Variants in TDRP observed in about 807,000 individuals in gnomAD.
The protein encoded by TDRP is testis development related protein, also known as testis development-related protein.
Under a neutral mutation model 10.5 loss-of-function variants are expected in TDRP, and 12 were observed. That is an observed-to-expected ratio of 1.15 (90% CI 0.73 to 1.86). The LOEUF (loss-of-function observed/expected upper bound fraction) is 1.86, where lower values mean the gene tolerates loss of function less well. TDRP is among the 40% of genes most tolerant of loss of function. TDRP has a pLI of 0.00. For synonymous variants in TDRP, 139 were observed against 95.4 expected, an observed-to-expected ratio of 1.46 and a Z score of -2.67; for missense variants, 353 against 229.2, an observed-to-expected ratio of 1.54 and a Z score of -3.49.
At chr8:532,223 G>T (rs1802221891) in intron 1 of TDRP, among the ~76,000 whole-genome samples, 1 of 152,198 alleles carries the variant, frequency 6.6e-6, no homozygotes. Flanking sequence ...TGCCTGTGTT[G>T]CATCTGCTCA....
chr8:537,187 TCCTGGGCTGGCTCCCTG>T (rs1295388096), intron 1 of TDRP, among the ~76,000 whole-genome samples: 2 of 152,198 alleles, frequency 1.3e-5, no homozygotes, highest in African/African-American at 4.8e-5. Context: ...CTGGCTCCCT[TCCTGGGCTGGCTCCCTG>T]CCTGGTCTTG....
chr8:523,955 A>G (rs1199592482), intron 1 of TDRP, among the ~76,000 whole-genome samples: 1 of 152,124 alleles, frequency 6.6e-6, no homozygotes, highest in Non-Finnish European at 1.5e-5. Context: ...TAGCGAACAA[A>G]AGTGGTAGCC....
chr8:528,635 G>A (rs1349100835), intron 1 of TDRP, among the ~76,000 whole-genome samples: 1 of 130,880 alleles, frequency 7.6e-6, no homozygotes, highest in African/African-American at 2.6e-5. Flanking sequence ...GAGTATAATT[G>A]GATTGTTTGT....
intron 1 of TDRP, among the ~76,000 whole-genome samples, chr8:518,861 G>A (rs1801824118): frequency 6.6e-6 from 1 of 152,018 alleles, no homozygotes; most frequent in South Asian, 2.1e-4. Context: ...CTGGAGTATG[G>A]TATAAAAAAC....
intron 1 of TDRP, among the ~76,000 whole-genome samples, chr8:522,414 T>G (rs143593765): frequency 0.017 from 2,558 of 152,334 alleles, 71 homozygotes; most frequent in African/African-American, 0.058. Context: ...TTTCTCTCTG[T>G]GGCTAGTGAG....
At chr8:512,058 T>C (rs775226962) in intron 1 of TDRP, among the ~76,000 whole-genome samples, 1 of 151,604 alleles carries the variant, frequency 6.6e-6, no homozygotes, top group African/African-American at 2.4e-5. Flanking sequence ...TCACAAAGAT[T>C]AAAGCACAAA....
chr8:507,101 G>T (rs1013464049), intron 1 of TDRP, among the ~76,000 whole-genome samples: 13 of 152,168 alleles, frequency 8.5e-5, no homozygotes, highest in Admixed American at 1.3e-4. Context: ...CAAGGCAGCA[G>T]GAGGGAGTAT....
intron 1 of TDRP, among the ~76,000 whole-genome samples, chr8:503,068 T>G (rs1463606062): frequency 6.6e-6 from 1 of 150,670 alleles, no homozygotes; most frequent in Non-Finnish European, 1.5e-5. Context: ...TCAGAACCTG[T>G]GCCCACCTCA....
chr8:512,308 C>T lies in TDRP; in HGVS notation c.109-17711G>A, dbSNP rs551086184. ...AATGACTGGGCATGGTGGCACACAC[C>T]TGTAGTGCCAGCTCCTTGGGAGGCT... On this transcript the variant is annotated intron_variant, in intron 1 of 2. Transcript: ENST00000324079. Among the ~76,000 whole-genome samples the T allele has an allele frequency of 3.2e-4, 49 of 152,122 alleles. 1 individual carries two copies. Among genetic ancestry groups the T allele is most frequent in the Non-Finnish European group, 6.8e-4 (46 of 67,996 alleles).
intron 1 of TDRP, among the ~76,000 whole-genome samples, chr8:513,097 C>A (rs1233936809): frequency 7.5e-6 from 1 of 132,480 alleles, no homozygotes; most frequent in Non-Finnish European, 1.6e-5. Context: ...AATACCAATT[C>A]TTCACACTAT....
At chr8:522,026 T>C (rs938759354) in intron 1 of TDRP, among the ~76,000 whole-genome samples, 15 of 152,238 alleles carry the variant, frequency 9.9e-5, no homozygotes, top group African/African-American at 3.4e-4. Flanking sequence ...TCATTATTAG[T>C]GTAAAAATGT....
chr8:528,516 CCATCAA>C (rs1434169213), intron 1 of TDRP, among the ~76,000 whole-genome samples: 1 of 149,784 alleles, frequency 6.7e-6, no homozygotes, highest in Non-Finnish European at 1.5e-5. Flanking sequence ...ACCTAAGTAT[CCATCAA>C]CATCAACATA....
chr8:544,253 G>C (rs563311070), intron 1 of TDRP, among the ~76,000 whole-genome samples: 1 of 152,200 alleles, frequency 6.6e-6, no homozygotes, highest in East Asian at 2.0e-4. Flanking sequence ...CGAGCACCCG[G>C]CGTGGACCTC....
chr8:512,880 G>C (rs976913253), intron 1 of TDRP, among the ~76,000 whole-genome samples: 1 of 151,884 alleles, frequency 6.6e-6, no homozygotes, highest in East Asian at 1.9e-4. Context: ...GCTGAGGTGG[G>C]AGAATCACTT....
chr8:519,727 A>G (rs1801849330), intron 1 of TDRP, among the ~76,000 whole-genome samples: 1 of 152,148 alleles, frequency 6.6e-6, no homozygotes, highest in Non-Finnish European at 1.5e-5. Context: ...CTACTCTTCA[A>G]TTTGTGGAGG....
At chr8:492,929 G>A (rs1585131070) in intron 2 of TDRP, among the ~76,000 whole-genome samples, 185 bp from the exon 3 acceptor site, 1 of 152,266 alleles carries the variant, frequency 6.6e-6, no homozygotes, top group East Asian at 1.9e-4. Flanking sequence ...TGTTAATGAA[G>A]TGTGTAAAAG....
intron 1 of TDRP, among the ~76,000 whole-genome samples, chr8:543,822 A>C (rs986536692): frequency 2.6e-5 from 4 of 151,880 alleles, no homozygotes; most frequent in Admixed American, 2.6e-4. Flanking sequence ...ATCAGGAGGA[A>C]GTTGCCACAC....
intron 1 of TDRP, among the ~76,000 whole-genome samples, chr8:506,397 G>A (rs558604475): frequency 6.6e-6 from 1 of 152,280 alleles, no homozygotes; most frequent in African/African-American, 2.4e-5. Flanking sequence ...CAAGTGGAAC[G>A]ACTTTCATCC....
At position 492,502 on chromosome 8, in the gene TDRP, G is replaced by A. The variant is rs1175845625; in HGVS notation, c.455C>T (p.Ser152Phe). Residue 152 changes from serine (S) to phenylalanine (F), a missense_variant, in exon 3 of 3, where the codon TCT becomes TTT. Coordinates refer to ENST00000324079, the MANE Select transcript of TDRP (RefSeq NM_001384899.1). The stretch of plus-strand genomic sequence containing the variant: ...CAGGCTCCACCTGGAGCTGTTGGCA[G>A]AGCTGGCCAGGCTGGTGTACTTGGT... ...GSTKYTSLAS[S>F]ANSSRWSLRA... The A allele has an allele frequency of 1.2e-6, 2 of 1,610,598 alleles. No individual in the cohort carries two copies. The highest frequency in any genetic ancestry group is 1.7e-6 in the Non-Finnish European group (2 of 1,178,172).
Sources: allele counts gnomAD v4.1 joint callset (sites outside exome capture counted in the v4.1 genomes callset), GRCh38; gene constraint gnomAD v4.1.1; transcripts MANE v1.5; gene names NCBI Gene and HGNC (gene_info 2026-07-23, HGNC 2026-07-21).